The following PTPN11 variants were observed in gnomAD, a reference collection of about 807,000 sequenced individuals.
PTPN11 encodes the protein protein tyrosine phosphatase non-receptor type 11.
Under a neutral mutation model 78.8 loss-of-function variants are expected in PTPN11, and 6 were observed. That is an observed-to-expected ratio of 0.08 (90% CI 0.04 to 0.15). The LOEUF (loss-of-function observed/expected upper bound fraction) is 0.15, where lower values mean the gene tolerates loss of function less well. PTPN11 is among the 10% of genes least tolerant of loss of function. The probability of loss-of-function intolerance (pLI) is 1.00; values close to 1 mark genes in which losing one functional copy is unlikely to be tolerated. For synonymous variants in PTPN11, 221 were observed against 263.5 expected, an observed-to-expected ratio of 0.84 and a Z score of 1.56; for missense variants, 386 against 744.8, an observed-to-expected ratio of 0.52 and a Z score of 5.61.
In PTPN11 at chr12:112,488,368, T is replaced by C. The variant is rs1592854032; in HGVS notation, c.1380-75T>C. On this transcript the variant is annotated intron_variant, in intron 11 of 15. Transcript: ENST00000351677. ...AGAGTAGACATTGTTTCTGTTGATA[T>C]TAATGGCTTGGTTTTGAGTCTGAAA... 9.3e-6 allele frequency: 11 copies of C among 1,182,900 alleles called. No individual in the cohort carries two copies. The East Asian group carries it at 1.4e-4, about 15-fold the overall frequency. The allele number at this position is 1,182,900 out of a possible 1,614,324, so 73.3% of individuals were successfully genotyped here.
At chr12:112,500,511 T>C (rs1048260115) in intron 13 of PTPN11, among the ~76,000 whole-genome samples, 1 of 152,242 alleles carries the variant, frequency 6.6e-6, no homozygotes, top group Non-Finnish European at 1.5e-5. Context: ...CCCTACACTA[T>C]AAGTTCTTAC....
chr12:112,488,959 T>C (rs1057298453), intron 12 of PTPN11, 65 bp from the exon 13 acceptor site: 2 of 1,590,918 alleles, frequency 1.3e-6, no homozygotes, highest in African/African-American at 2.7e-5. Flanking sequence ...CTAAAAGTTG[T>C]GCATTAAACA....
intron 12 of PTPN11, 104 bp from the exon 13 acceptor site, chr12:112,488,920 A>G (rs1465056846): frequency 6.8e-7 from 1 of 1,475,740 alleles, no homozygotes; most frequent in African/African-American, 1.4e-5. Context: ...AAAACAGCAA[A>G]GACTAAATTA....
intron 1 of PTPN11, among the ~76,000 whole-genome samples, chr12:112,437,669 G>A: frequency 6.6e-6 from 1 of 152,070 alleles, no homozygotes; most frequent in East Asian, 1.9e-4. Context: ...AAAGGAAGTT[G>A]GAAGTTTTCC....
At chr12:112,450,840 G>A (rs1440796028) in intron 3 of PTPN11, among the ~76,000 whole-genome samples, 1 of 152,152 alleles carries the variant, frequency 6.6e-6, no homozygotes, top group East Asian at 1.9e-4. Flanking sequence ...GAAAACAAAT[G>A]ATAATGGAGA....
intron 1 of PTPN11, among the ~76,000 whole-genome samples, chr12:112,423,960 C>T (rs908002157): frequency 3.2e-4 from 48 of 152,024 alleles, no homozygotes; most frequent in African/African-American, 1.1e-3. Flanking sequence ...CTCTGTTGCC[C>T]AGGCTGGTCT....
rs1489310690 is a variant in PTPN11, at chr12:112,489,182, G to T, written c.1599+7G>T. 1 of 1,614,146 alleles carries T rather than the reference G, an allele frequency of 6.2e-7. No homozygotes were observed. The highest frequency in any genetic ancestry group is 1.6e-4 in the Middle Eastern group (1 of 6,062). On this transcript the variant is annotated splice_region_variant and intron_variant, in intron 13 of 15. Transcript: ENST00000351677. ...CAGGATTGAAGAAGAGCAGGTACCAGCCTGAGGGCTGGCATGCGGATTCTC... is the reference window on the plus strand; with the variant it reads ...CAGGATTGAAGAAGAGCAGGTACCATCCTGAGGGCTGGCATGCGGATTCTC...
intron 1 of PTPN11, among the ~76,000 whole-genome samples, chr12:112,433,939 T>C (rs528689324): frequency 8.6e-5 from 13 of 151,450 alleles, no homozygotes; most frequent in Non-Finnish European, 1.8e-4. Context: ...GGCTGGGAGA[T>C]AGAGTGGGAC....
chr12:112,485,060 A>C (rs746783640), intron 10 of PTPN11, among the ~76,000 whole-genome samples: 1 of 152,020 alleles, frequency 6.6e-6, no homozygotes, highest in Non-Finnish European at 1.5e-5. Flanking sequence ...CAGGAGTACA[A>C]GACCAGCCTG....
chr12:112,479,730 A>G (rs567737007), intron 9 of PTPN11, among the ~76,000 whole-genome samples: 1 of 152,306 alleles, frequency 6.6e-6, no homozygotes, highest in East Asian at 1.9e-4. Context: ...CTCAGAAGAC[A>G]TGAGGATTGT....
chr12:112,467,196 TGGGTACTCAC>T lies in PTPN11; in HGVS notation c.757-5747_757-5738del, dbSNP rs2038341956. On this transcript the variant is annotated intron_variant, in intron 6 of 15. Transcript: ENST00000351677. ...GGGTACTCACAGTCAGTAGTGCCGTTGGGTACTCACATGTACAACATGGATCAGGACATTG... is the reference window on the plus strand; with the variant it reads ...GGGTACTCACAGTCAGTAGTGCCGTTATGTACAACATGGATCAGGACATTG... 2.0e-5 allele frequency among the ~76,000 whole-genome samples: 3 copies of T among 152,326 alleles called. No individual in the cohort carries two copies. In the South Asian group the frequency reaches 6.2e-4, roughly 32 times the overall value.
rs980642469 is a variant in PTPN11 at position 112,497,448 on chromosome 12, A to G, written c.1600-4696A>G. Reference sequence around the variant, plus strand: ...AGAAGATAGCCATCGCTGTTGCCTCATGGAACTGAAGTTTTACTAGATGTA... The same window carrying G: ...AGAAGATAGCCATCGCTGTTGCCTCGTGGAACTGAAGTTTTACTAGATGTA... On this transcript the variant is annotated intron_variant, in intron 13 of 15. Coordinates refer to ENST00000351677, the MANE Select transcript of PTPN11 (RefSeq NM_002834.5). Among the ~76,000 whole-genome samples the G allele has an allele frequency of 6.6e-5, 10 of 152,342 alleles. No individual in the cohort carries two copies. The South Asian group carries it at 1.4e-3, about 22-fold the overall frequency.
chr12:112,481,924 T>C, intron 9 of PTPN11, 150 bp from the exon 10 acceptor site: 1 of 816,070 alleles, frequency 1.2e-6, no homozygotes, highest in South Asian at 1.6e-5. Context: ...TGAACTCTTC[T>C]GTCCTTTTCT....
At chr12:112,492,055 T>C (rs2038753432) in intron 13 of PTPN11, among the ~76,000 whole-genome samples, 1 of 152,202 alleles carries the variant, frequency 6.6e-6, no homozygotes, top group Non-Finnish European at 1.5e-5. Flanking sequence ...TTCTCAGTCA[T>C]TCTTTATTTT....
intron 11 of PTPN11, 146 bp downstream of exon 11, chr12:112,486,775 C>A: frequency 6.7e-7 from 1 of 1,503,284 alleles, no homozygotes; most frequent in Non-Finnish European, 8.9e-7. Flanking sequence ...CATTGAGGGA[C>A]ATTTTGATCC....
At chr12:112,503,299 CA>C (rs1449478346) in intron 14 of PTPN11, among the ~76,000 whole-genome samples, 1 of 152,156 alleles carries the variant, frequency 6.6e-6, no homozygotes. Flanking sequence ...ATATGAATAG[CA>C]ATTGTAAGTT....
chr12:112,489,072 C>G lies in PTPN11; in HGVS notation c.1496C>G (p.Ser499Cys), dbSNP rs1264992160. The G allele has an allele frequency of 6.2e-7, 1 of 1,614,128 alleles. No individual in the cohort carries two copies. Among genetic ancestry groups the G allele is most frequent in the Non-Finnish European group, 8.5e-7 (1 of 1,180,032 alleles). ...CCCAAAACCATCCAGATGGTGCGGTCTCAGAGGTCAGGGATGGTCCAGACA... is the reference window on the plus strand; with the variant it reads ...CCCAAAACCATCCAGATGGTGCGGTGTCAGAGGTCAGGGATGGTCCAGACA... Reference protein sequence around the residue: ...DVPKTIQMVRSQRSGMVQTEA... With the variant: ...DVPKTIQMVRCQRSGMVQTEA... Residue 499 changes from serine (S) to cysteine (C), a missense_variant, in exon 13 of 16, where the codon TCT becomes TGT. By Grantham distance (112) the Ser-to-Cys change is moderately radical (BLOSUM62 -1). Coordinates refer to ENST00000351677, the MANE Select transcript of PTPN11 (RefSeq NM_002834.5).
intron 7 of PTPN11, among the ~76,000 whole-genome samples, chr12:112,475,416 T>A (rs185754022): frequency 6.6e-6 from 1 of 152,046 alleles, no homozygotes. Flanking sequence ...GTTTTATTGA[T>A]TGATTGATTG....
chr12:112,459,037 A>G (rs79076858), intron 6 of PTPN11, among the ~76,000 whole-genome samples: 7 of 17,120 alleles, frequency 4.1e-4, no homozygotes, highest in East Asian at 0.033. Flanking sequence ...TGTCCCAAAA[A>G]AAAAAAAAAT....
Sources: allele counts gnomAD v4.1 joint callset (sites outside exome capture counted in the v4.1 genomes callset), GRCh38; gene constraint gnomAD v4.1.1; transcripts MANE v1.5; gene names NCBI Gene and HGNC (gene_info 2026-07-23, HGNC 2026-07-21).